The following KPNA4 variants were observed in gnomAD, a reference collection of about 807,000 sequenced individuals.
KPNA4 encodes karyopherin subunit alpha 4, also known as importin subunit alpha-3.
KPNA4 carries 13 observed loss-of-function variants against 71.3 expected under a neutral mutation model. The ratio of observed to expected loss-of-function variants is 0.18; its 90% CI spans 0.12 to 0.29. The LOEUF is 0.29. KPNA4 is among the 10% of genes least tolerant of loss of function. KPNA4 has a pLI of 1.00. For missense variants in KPNA4, 334 were observed against 603.2 expected (o/e 0.55, Z 4.67); for synonymous variants, 189 against 195.2 (o/e 0.97, Z 0.26).
rs200243923 is a variant in KPNA4, at chr3:160,539,657, AG to A, written c.70-2818del. Among the ~76,000 whole-genome samples, 917 of 152,360 alleles carry A rather than the reference AG, an allele frequency of 6.0e-3. 8 individuals are homozygous for A. The highest frequency in any genetic ancestry group is 9.7e-3 in the Non-Finnish European group (657 of 68,028). On this transcript the variant is annotated intron_variant, in intron 1 of 16. Coordinates refer to ENST00000334256, the MANE Select transcript of KPNA4 (RefSeq NM_002268.5). ...CAATATGAAATCAATAAGCAATTCT[AG>A]TAACAAAAAACTATGACCTATGTCT...
chr3:160,528,770 T>G (rs1365838788), intron 7 of KPNA4, among the ~76,000 whole-genome samples: 1 of 152,212 alleles, frequency 6.6e-6, no homozygotes, highest in African/African-American at 2.4e-5. Flanking sequence ...AAAGTGATTC[T>G]GTTACTCAAC....
chr3:160,561,280 C>T (rs1170328665), intron 1 of KPNA4, among the ~76,000 whole-genome samples: 1 of 151,850 alleles, frequency 6.6e-6, no homozygotes, highest in Non-Finnish European at 1.5e-5. Context: ...AAGAAAATTC[C>T]CCTCTACTTT....
At chr3:160,513,992 A>G (rs1721153212) in intron 13 of KPNA4, 85 bp downstream of exon 13, 2 of 711,858 alleles carry the variant, frequency 2.8e-6, no homozygotes, top group Non-Finnish European at 2.1e-6. Flanking sequence ...AATTAAGCAG[A>G]AAGTATAAAT....
At chr3:160,547,359 T>C (rs1031630790) in intron 1 of KPNA4, among the ~76,000 whole-genome samples, 6 of 152,192 alleles carry the variant, frequency 3.9e-5, no homozygotes, top group African/African-American at 1.4e-4. Context: ...TTCTACTGCA[T>C]ATCACCAATT....
intron 1 of KPNA4, among the ~76,000 whole-genome samples, chr3:160,551,406 T>A (rs778346219): frequency 6.6e-6 from 1 of 152,206 alleles, no homozygotes; most frequent in Non-Finnish European, 1.5e-5. Flanking sequence ...TTCATATGAA[T>A]TGATGTGATT....
intron 11 of KPNA4, 46 bp from the exon 12 acceptor site, chr3:160,515,626 T>TC (rs751026149): frequency 6.4e-5 from 103 of 1,600,310 alleles, no homozygotes; most frequent in Non-Finnish European, 8.5e-5. Flanking sequence ...TCCTTTTTTT[T>TC]TTTTTTGAGA....
chr3:160,537,294 C>T (rs1721709770), intron 1 of KPNA4, among the ~76,000 whole-genome samples: 1 of 150,624 alleles, frequency 6.6e-6, no homozygotes, highest in African/African-American at 2.4e-5. Context: ...ATAGAAAACA[C>T]TGTTAGATTT....
chr3:160,565,267 T>G lies in KPNA4; in HGVS notation c.16A>C (p.Lys6Gln). 1 of 1,607,792 alleles carries G rather than the reference T, an allele frequency of 6.2e-7. No homozygotes were observed. The highest frequency in any genetic ancestry group is 8.5e-7 in the Non-Finnish European group (1 of 1,177,224). Residue 6 changes from lysine to glutamine, a missense_variant, in exon 1 of 17, where the codon AAA becomes CAA. Transcript: ENST00000334256. MADNE[K>Q]LDNQRLKNFK... Reference sequence around the variant, plus strand: ...TTCTTGAGCCGTTGGTTGTCCAGTTTCTCGTTGTCCGCCATGGCCGGGCCG... The same window carrying G: ...TTCTTGAGCCGTTGGTTGTCCAGTTGCTCGTTGTCCGCCATGGCCGGGCCG...
At chr3:160,529,733 T>G (rs1311088227) in intron 7 of KPNA4, among the ~76,000 whole-genome samples, 1 of 152,106 alleles carries the variant, frequency 6.6e-6, no homozygotes, top group Non-Finnish European at 1.5e-5. Flanking sequence ...ATTTTCCACT[T>G]ACATTTCTTG....
At chr3:160,562,991 G>A (rs1322100066) in intron 1 of KPNA4, among the ~76,000 whole-genome samples, 1 of 152,144 alleles carries the variant, frequency 6.6e-6, no homozygotes, top group Non-Finnish European at 1.5e-5. Context: ...AAGGTTCAAA[G>A]TAAGTTTCCA....
At position 160,509,295 on chromosome 3, in the gene KPNA4, G is replaced by A. The variant is rs1239024062; in HGVS notation, c.1209+505C>T. Reference sequence around the variant, plus strand: ...TGCTGCTGATGAATTTGTTATTGTTGCTGTCTTTTTACTTTTTGTTGTTGT... The same window carrying A: ...TGCTGCTGATGAATTTGTTATTGTTACTGTCTTTTTACTTTTTGTTGTTGT... On this transcript the variant is annotated intron_variant, in intron 14 of 16. Coordinates refer to ENST00000334256, the MANE Select transcript of KPNA4 (RefSeq NM_002268.5). 2.0e-5 allele frequency among the ~76,000 whole-genome samples: 3 copies of A among 152,030 alleles called. No homozygotes were observed. The East Asian group carries it at 5.8e-4, about 29-fold the overall frequency.
At chr3:160,506,177 T>A (rs928483106) in intron 15 of KPNA4, among the ~76,000 whole-genome samples, 4 of 150,738 alleles carry the variant, frequency 2.7e-5, no homozygotes, top group East Asian at 1.9e-4. Flanking sequence ...TATTTTATTT[T>A]ATTTTTTTTG....
intron 2 of KPNA4, 114 bp downstream of exon 2, chr3:160,536,682 T>C (rs1035035686): frequency 3.0e-5 from 16 of 525,064 alleles, no homozygotes; most frequent in Middle Eastern, 4.9e-4. Context: ...AATTTAGTTA[T>C]ACAATAGGTT....
intron 1 of KPNA4, among the ~76,000 whole-genome samples, chr3:160,556,029 C>T (rs1722129201): frequency 6.6e-6 from 1 of 152,168 alleles, no homozygotes; most frequent in South Asian, 2.1e-4. Flanking sequence ...CGGGGTTTCT[C>T]CATGTTGGTA....
intron 1 of KPNA4, among the ~76,000 whole-genome samples, chr3:160,544,557 TTG>T (rs1721868116): frequency 6.6e-6 from 1 of 152,310 alleles, no homozygotes; most frequent in Admixed American, 6.5e-5. Flanking sequence ...GAGAGAGACT[TTG>T]TCTCAAAAAA....
chr3:160,508,098 T>C lies in KPNA4; in HGVS notation c.1372+9A>G. ...TAAGATGTGGAATAAGAGCTTATAA[T>C]AAACTTACCTCCACATTCTTCTATA... On this transcript the variant is annotated intron_variant, in intron 15 of 16. Coordinates refer to ENST00000334256, the MANE Select transcript of KPNA4 (RefSeq NM_002268.5). 2 of 1,591,540 alleles carry C rather than the reference T, an allele frequency of 1.3e-6. No individual in the cohort carries two copies. The highest frequency in any genetic ancestry group is 1.7e-6 in the Non-Finnish European group (2 of 1,170,648).
chr3:160,502,245 A>G (rs1205675277), intron 16 of KPNA4, 43 bp from the exon 17 acceptor site: 2 of 1,106,478 alleles, frequency 1.8e-6, no homozygotes, highest in African/African-American at 3.1e-5. Flanking sequence ...TTAGTTTTAA[A>G]ATATATATAA....
At chr3:160,544,549 G>C (rs1037249744) in intron 1 of KPNA4, among the ~76,000 whole-genome samples, 1 of 152,214 alleles carries the variant, frequency 6.6e-6, no homozygotes, top group Non-Finnish European at 1.5e-5. Flanking sequence ...GGGTGACAGA[G>C]AGAGACTTTG....
At chr3:160,530,066 T>C (rs1338714469) in intron 7 of KPNA4, among the ~76,000 whole-genome samples, 1 of 126,500 alleles carries the variant, frequency 7.9e-6, no homozygotes, top group Non-Finnish European at 1.5e-5. Flanking sequence ...ACCCGGGAGG[T>C]GGAGCTTGCA....
Sources: gnomAD v4.1 joint callset for allele counts (sites outside exome capture counted in the v4.1 genomes callset) on GRCh38, gnomAD v4.1.1 for gene constraint, MANE v1.5 for transcripts, NCBI Gene and HGNC (gene_info 2026-07-23, HGNC 2026-07-21) for gene names.